PLS3: variants seen among roughly 807,000 people sequenced by gnomAD.
PLS3 encodes the protein plastin-3.
In PLS3, 11 loss-of-function variants were observed where a neutral mutation model predicts 46.5. The observed-to-expected ratio is 0.24, with a 90% confidence interval of 0.15 to 0.39. PLS3 has a LOEUF of 0.39. Among genes scored for constraint, PLS3 ranks in the 10% least tolerant of loss-of-function variants. PLS3 has a pLI of 1.00. For missense variants in PLS3, 308 were observed against 461.8 expected (o/e 0.67, Z 3.05); for synonymous variants, 167 against 162.2 (o/e 1.03, Z -0.22).
chrX:115,604,259 G>A (rs1015452964), intron 1 of PLS3, among the ~76,000 whole-genome samples: 9 of 112,081 alleles, frequency 8.0e-5, no homozygotes, highest in Non-Finnish European at 1.7e-4. Context: ...TTTATCCCAT[G>A]TAAAAGGCTA....
At chrX:115,635,163 A>T (rs2074817989) in intron 7 of PLS3, 117 bp downstream of exon 7, 2 of 581,329 alleles carry the variant, frequency 3.4e-6, no homozygotes, top group South Asian at 6.3e-5. Context: ...AATGAACATA[A>T]GGTAATGCTA....
intron 11 of PLS3, among the ~76,000 whole-genome samples, 179 bp downstream of exon 11, chrX:115,645,278 A>C (rs2074939526): frequency 8.9e-6 from 1 of 111,818 alleles, no homozygotes; most frequent in South Asian, 3.7e-4. Context: ...ATTCCTTTAC[A>C]TGATCGTTAA....
chrX:115,578,800 A>G (rs1556631522), intron 1 of PLS3, among the ~76,000 whole-genome samples: 1 of 110,774 alleles, frequency 9.0e-6, no homozygotes, highest in Non-Finnish European at 1.9e-5. Context: ...TAATTATACT[A>G]TATTCTGTGT....
chrX:115,633,708 G>A (rs1467712580), intron 5 of PLS3, among the ~76,000 whole-genome samples: 2 of 110,157 alleles, frequency 1.8e-5, no homozygotes, highest in African/African-American at 6.6e-5. Context: ...GCCCAGGCTG[G>A]TCTGGAACTC....
intron 2 of PLS3, among the ~76,000 whole-genome samples, chrX:115,617,032 A>C (rs782140210): frequency 9.0e-6 from 1 of 111,492 alleles, no homozygotes; most frequent in African/African-American, 3.3e-5. Flanking sequence ...AGTGACTCAA[A>C]ATTTTTACAA....
intron 1 of PLS3, among the ~76,000 whole-genome samples, chrX:115,570,813 A>G (rs1245595041): frequency 1.8e-5 from 2 of 109,280 alleles, no homozygotes; most frequent in African/African-American, 6.6e-5. Context: ...TTTCATTGTG[A>G]ATGTGAAGGA....
chrX:115,578,463 C>G (rs1040011045), intron 1 of PLS3, among the ~76,000 whole-genome samples: 2 of 111,148 alleles, frequency 1.8e-5, no homozygotes, highest in Admixed American at 1.9e-4. Context: ...TGGTGGCTCA[C>G]GCCTGTAATC....
chrX:115,571,041 C>G (rs2074212170), intron 1 of PLS3, among the ~76,000 whole-genome samples: 1 of 109,289 alleles, frequency 9.2e-6, no homozygotes, highest in Non-Finnish European at 1.9e-5. Context: ...ACTACAGGTG[C>G]CCACCACCAT....
At chrX:115,646,279 G>C (rs1237811774) in intron 12 of PLS3, 93 bp downstream of exon 12, 1 of 906,069 alleles carries the variant, frequency 1.1e-6, no homozygotes, top group Non-Finnish European at 1.6e-6. Context: ...TGAGCTTCTT[G>C]AGGACAAAAC....
intron 3 of PLS3, among the ~76,000 whole-genome samples, chrX:115,626,735 A>G (rs1253786606): frequency 1.6e-4 from 18 of 111,608 alleles, no homozygotes; most frequent in African/African-American, 5.8e-4. Context: ...CTTAATTACA[A>G]CTTTGCATTT....
At chrX:115,633,259 C>T (rs1174826976) in intron 5 of PLS3, among the ~76,000 whole-genome samples, 2 of 109,389 alleles carry the variant, frequency 1.8e-5, no homozygotes, top group African/African-American at 6.6e-5. Context: ...CAACCTCCGC[C>T]TCCCAGGTTC....
At chrX:115,564,138 C>T (rs1309838451) in intron 1 of PLS3, among the ~76,000 whole-genome samples, 4 of 110,721 alleles carry the variant, frequency 3.6e-5, no homozygotes, top group Middle Eastern at 4.7e-3. Context: ...AATTAGGGGG[C>T]TGGGAGTCAA....
chrX:115,610,271 T>C lies in PLS3; in HGVS notation c.21T>C (p.Thr7=). 1 of 1,168,190 alleles carries C rather than the reference T, an allele frequency of 8.6e-7. No individual in the cohort carries two copies. Among genetic ancestry groups the C allele is most frequent in the Non-Finnish European group, 1.2e-6 (1 of 867,317 alleles). Residue 7 remains threonine (T), a synonymous_variant, in exon 2 of 16, where the codon ACT becomes ACC. Transcript: ENST00000355899. MDEMAT[T]QISKDELDEL... is the part of the protein sequence containing the mutation. ...TTTAAATGGATGAGATGGCTACCAC[T>C]CAGATTTCCAAAGATGAGCTTGATG...
chrX:115,591,955 G>A (rs950949389), intron 1 of PLS3, among the ~76,000 whole-genome samples: 9 of 111,942 alleles, frequency 8.0e-5, no homozygotes, highest in Admixed American at 4.7e-4. Flanking sequence ...CGAAGGTTTT[G>A]TGATTGGTGA....
chrX:115,572,670 A>T (rs370865953), intron 1 of PLS3, among the ~76,000 whole-genome samples: 29 of 112,230 alleles, frequency 2.6e-4, no homozygotes, highest in South Asian at 3.7e-4. Context: ...TTCAACTACC[A>T]TAAGTTTAAT....
chrX:115,634,170 C>G, intron 6 of PLS3, 89 bp downstream of exon 6: 1 of 511,383 alleles, frequency 2.0e-6, no homozygotes, highest in Admixed American at 3.3e-5. Context: ...TGTAGGCTCC[C>G]AATCAATCCT....
intron 5 of PLS3, 51 bp downstream of exon 5, chrX:115,630,018 A>G (rs1556639052): frequency 3.3e-6 from 3 of 922,286 alleles, no homozygotes; most frequent in Admixed American, 5.9e-5. Context: ...AGCCTTCCAT[A>G]TAATTGATAT....
intron 1 of PLS3, among the ~76,000 whole-genome samples, chrX:115,599,414 G>A (rs782370412): frequency 9.6e-6 from 1 of 104,015 alleles, no homozygotes; most frequent in African/African-American, 3.5e-5. Context: ...CTAGCTACTG[G>A]GGGTGGGAGG....
At chrX:115,647,722 C>T (rs782326427) in intron 14 of PLS3, 49 bp downstream of exon 14, 2 of 1,161,465 alleles carry the variant, frequency 1.7e-6, no homozygotes, top group Non-Finnish European at 2.3e-6. Flanking sequence ...TGGATAACAT[C>T]TATCATTTGG....
Sources: allele counts gnomAD v4.1 joint callset (sites outside exome capture counted in the v4.1 genomes callset), GRCh38; gene constraint gnomAD v4.1.1; transcripts MANE v1.5; gene names NCBI Gene and HGNC (gene_info 2026-07-23, HGNC 2026-07-21).